CREB3L2: variants seen among roughly 807,000 people sequenced by gnomAD.
CREB3L2 encodes cAMP responsive element binding protein 3 like 2.
Under a neutral mutation model 57.2 loss-of-function variants are expected in CREB3L2, and 23 were observed. The ratio of observed to expected loss-of-function variants is 0.40; its 90% CI spans 0.29 to 0.57. CREB3L2 has a LOEUF of 0.57. CREB3L2 is among the 20% of genes least tolerant of loss of function. The probability of loss-of-function intolerance (pLI) is 0.42; values close to 1 mark genes in which losing one functional copy is unlikely to be tolerated. For missense variants in CREB3L2, 628 were observed against 634.7 expected (o/e 0.99, Z 0.11); for synonymous variants, 268 against 265.1 (o/e 1.01, Z -0.11).
At chr7:137,969,642 C>T (rs1342710992) in intron 1 of CREB3L2, among the ~76,000 whole-genome samples, 1 of 151,970 alleles carries the variant, frequency 6.6e-6, no homozygotes, top group African/African-American at 2.4e-5. Flanking sequence ...TGAGCCACCG[C>T]GTCCGGCCTA....
chr7:137,989,338 G>A (rs775990435), intron 1 of CREB3L2, among the ~76,000 whole-genome samples: 8 of 151,350 alleles, frequency 5.3e-5, no homozygotes, highest in Non-Finnish European at 1.2e-4. Flanking sequence ...GCGGTCAGCT[G>A]AATAGCACAC....
At chr7:137,915,750 C>CA in intron 3 of CREB3L2, 87 bp downstream of exon 3, 1 of 1,264,384 alleles carries the variant, frequency 7.9e-7, no homozygotes, top group Non-Finnish European at 1.1e-6. Flanking sequence ...CCACTAACTC[C>CA]AAAAAGATTA....
intron 1 of CREB3L2, among the ~76,000 whole-genome samples, chr7:137,931,112 G>A (rs866968686): frequency 3.4e-4 from 51 of 151,810 alleles, no homozygotes; most frequent in Middle Eastern, 3.4e-3. Context: ...CACGCCTGTA[G>A]TCCTAGCTAC....
intron 1 of CREB3L2, among the ~76,000 whole-genome samples, chr7:137,969,671 T>G (rs1431264378): frequency 2.0e-5 from 3 of 151,936 alleles, no homozygotes; most frequent in Non-Finnish European, 4.4e-5. Context: ...ATTGAGGTTG[T>G]TTAGCAGAAT....
intron 6 of CREB3L2, among the ~76,000 whole-genome samples, chr7:137,905,332 A>G (rs1475883084): frequency 6.7e-6 from 1 of 149,568 alleles, no homozygotes; most frequent in African/African-American, 2.4e-5. Flanking sequence ...GAGTACATAT[A>G]TATGTCTACT....
chr7:137,890,281 C>T (rs1391343046), intron 8 of CREB3L2, among the ~76,000 whole-genome samples: 1 of 152,044 alleles, frequency 6.6e-6, no homozygotes, highest in Non-Finnish European at 1.5e-5. Flanking sequence ...AGATAAAATG[C>T]AGATAATAGA....
At chr7:137,884,956 A>G (rs2117176374) in intron 10 of CREB3L2, 39 bp downstream of exon 10, 1 of 1,613,442 alleles carries the variant, frequency 6.2e-7, no homozygotes, top group Non-Finnish European at 8.5e-7. Flanking sequence ...CTAGGGAAAT[A>G]AAACAAGACC....
chr7:137,950,809 T>G (rs1295324495), intron 1 of CREB3L2, among the ~76,000 whole-genome samples: 1 of 152,234 alleles, frequency 6.6e-6, no homozygotes, highest in Non-Finnish European at 1.5e-5. Flanking sequence ...GGGAACCTTT[T>G]CATTTCTCCA....
intron 1 of CREB3L2, chr7:137,956,592 A>G (rs1585656917): frequency 7.8e-7 from 1 of 1,288,988 alleles, no homozygotes; most frequent in East Asian, 5.5e-5. Flanking sequence ...AGGTCCTGGC[A>G]ATCCTTCACA....
At position 137,919,586 on chromosome 7, in the gene CREB3L2, C is replaced by A. The variant is rs1159942633; in HGVS notation, c.320-3574G>T. Among the ~76,000 whole-genome samples, 12 of 152,154 alleles carry A rather than the reference C, an allele frequency of 7.9e-5. 1 individual carries two copies. The highest frequency in any genetic ancestry group is 7.9e-4 in the Admixed American group (12 of 15,284). On this transcript the variant is annotated intron_variant, in intron 2 of 11. Transcript: ENST00000330387. ...ATCTTCCCATTAACAAGAAAACTTT[C>A]TATGTGGATAAAGATTATGCATAAA...
At chr7:137,993,630 C>T (rs1801938225) in intron 1 of CREB3L2, among the ~76,000 whole-genome samples, 2 of 152,220 alleles carry the variant, frequency 1.3e-5, no homozygotes, top group Non-Finnish European at 2.9e-5. Flanking sequence ...AGCGATCCTC[C>T]TGCCTCAGCC....
Position 137,885,442 on chromosome 7 carries a change from G to C in CREB3L2, c.1104C>G (p.Thr368=), listed in dbSNP as rs1563238269. 6.2e-7 allele frequency: 1 copy of C among 1,614,196 alleles called. No homozygotes were observed. Among genetic ancestry groups the C allele is most frequent in the Non-Finnish European group, 8.5e-7 (1 of 1,180,026 alleles). Residue 368 remains threonine, a synonymous_variant, in exon 9 of 12, where the codon ACC becomes ACG. Transcript: ENST00000330387. The part of the protein sequence containing the change: ...QTLVMGKVSR[T]CKLAGTQTGT... ...CAGTCTGCGTGCCAGCTAACTTGCA[G>C]GTTCGAGAAACCTTGCCCATCACCA... is the stretch of plus-strand genomic sequence containing the variant.
chr7:137,940,912 A>G (rs906311072), intron 1 of CREB3L2, among the ~76,000 whole-genome samples: 2 of 152,256 alleles, frequency 1.3e-5, no homozygotes, highest in African/African-American at 2.4e-5. Flanking sequence ...ATGCTCAGGC[A>G]TGACTCTGCC....
intron 1 of CREB3L2, among the ~76,000 whole-genome samples, chr7:137,945,956 G>A (rs546596403): frequency 1.3e-5 from 2 of 152,156 alleles, no homozygotes; most frequent in Admixed American, 6.5e-5. Flanking sequence ...CATGACTTGA[G>A]CCACCAGCCA....
At position 137,997,805 on chromosome 7, in the gene CREB3L2, A is replaced by C. The variant is rs946788106; in HGVS notation, c.102+3799T>G. Among the ~76,000 whole-genome samples the C allele has an allele frequency of 3.9e-5, 6 of 152,342 alleles. No homozygotes were observed. The East Asian group carries it at 9.6e-4, about 24-fold the overall frequency. On this transcript the variant is annotated intron_variant, in intron 1 of 11. Transcript: ENST00000330387. ...ATTCCCAGAAAGTAATTTTCAGAGAATTTTATAGGAATACAATACAAATGG... is the reference window on the plus strand; with the variant it reads ...ATTCCCAGAAAGTAATTTTCAGAGACTTTTATAGGAATACAATACAAATGG...
intron 1 of CREB3L2, among the ~76,000 whole-genome samples, chr7:137,953,166 T>A (rs1281995986): frequency 6.6e-6 from 1 of 152,236 alleles, no homozygotes; most frequent in Admixed American, 6.5e-5. Context: ...TGTAAACTCC[T>A]TGATGTCTCT....
intron 1 of CREB3L2, chr7:137,953,439 T>C (rs1436510108): frequency 7.8e-7 from 1 of 1,278,642 alleles, no homozygotes. Flanking sequence ...TAAATAACAG[T>C]ATCTGAGACC....
intron 7 of CREB3L2, among the ~76,000 whole-genome samples, chr7:137,902,439 G>A (rs1013808540): frequency 1.3e-5 from 2 of 152,130 alleles, no homozygotes; most frequent in Non-Finnish European, 2.9e-5. Context: ...CAGGACGAGA[G>A]CCCAGGACTA....
At chr7:137,955,829 G>A (rs1396106871) in intron 1 of CREB3L2, among the ~76,000 whole-genome samples, 2 of 152,070 alleles carry the variant, frequency 1.3e-5, no homozygotes, top group African/African-American at 2.4e-5. Flanking sequence ...CAAGGTCATC[G>A]CCAAGGTCTG....
Sources: gnomAD v4.1 joint callset for allele counts (sites outside exome capture counted in the v4.1 genomes callset) on GRCh38, gnomAD v4.1.1 for gene constraint, MANE v1.5 for transcripts, NCBI Gene and HGNC (gene_info 2026-07-23, HGNC 2026-07-21) for gene names.